The following TENM4 variants were observed in gnomAD, a reference collection of about 807,000 sequenced individuals.
TENM4 encodes the protein teneurin-4.
Under a neutral mutation model 243.3 loss-of-function variants are expected in TENM4, and 82 were observed. That is an observed-to-expected ratio of 0.34 (90% CI 0.28 to 0.40). TENM4 has a LOEUF of 0.40. Among genes scored for constraint, TENM4 ranks in the 10% least tolerant of loss-of-function variants. The pLI is 1.00. For synonymous variants in TENM4, 1,412 were observed against 1,456.3 expected (o/e 0.97, Z 0.69); for missense variants, 3,138 against 3,673.3 (o/e 0.85, Z 3.77).
intron 6 of TENM4, among the ~76,000 whole-genome samples, chr11:78,972,464 C>T (rs1027364593): frequency 1.3e-5 from 2 of 152,096 alleles, no homozygotes; most frequent in Non-Finnish European, 2.9e-5. Flanking sequence ...TTCTCGGGGA[C>T]TTTAAAAAAA....
intron 25 of TENM4, among the ~76,000 whole-genome samples, chr11:78,716,129 C>G (rs1859516121): frequency 6.6e-6 from 1 of 152,152 alleles, no homozygotes; most frequent in African/African-American, 2.4e-5. Flanking sequence ...ACCACAGATT[C>G]CTAAGTGGCA....
At chr11:79,158,110 C>T (rs1433297793) in intron 3 of TENM4, among the ~76,000 whole-genome samples, 2 of 152,250 alleles carry the variant, frequency 1.3e-5, no homozygotes, top group African/African-American at 4.8e-5. Flanking sequence ...CTGCTTGCCC[C>T]TGCATCCTTG....
At chr11:79,278,210 G>A (rs1354930160) in intron 2 of TENM4, among the ~76,000 whole-genome samples, 4 of 152,156 alleles carry the variant, frequency 2.6e-5, no homozygotes, top group African/African-American at 9.7e-5. Context: ...CAAGGCAGGG[G>A]GACTTAGGAG....
chr11:79,077,656 AATGAACC>A (rs1281221262), intron 4 of TENM4, among the ~76,000 whole-genome samples: 1 of 152,236 alleles, frequency 6.6e-6, no homozygotes, highest in Admixed American at 6.5e-5. Flanking sequence ...AGCATGGAAA[AATGAACC>A]TGGCACAGAC....
At chr11:79,209,437 C>G (rs17755323) in intron 3 of TENM4, among the ~76,000 whole-genome samples, 11,752 of 152,230 alleles carry the variant, frequency 0.077, 559 homozygotes, top group Admixed American at 0.11. Context: ...CTCCTGGGTT[C>G]CCAGCACAAT....
At chr11:79,263,126 T>C (rs547062275) in intron 2 of TENM4, among the ~76,000 whole-genome samples, 1 of 152,328 alleles carries the variant, frequency 6.6e-6, no homozygotes, top group South Asian at 2.1e-4. Flanking sequence ...AGGAACCCAA[T>C]GCATGGAGGC....
chr11:78,826,323 G>A (rs1228195755), intron 12 of TENM4, among the ~76,000 whole-genome samples: 3 of 152,042 alleles, frequency 2.0e-5, no homozygotes, highest in Non-Finnish European at 4.4e-5. Flanking sequence ...CTGACCTTAG[G>A]TGATCCACCC....
intron 17 of TENM4, among the ~76,000 whole-genome samples, chr11:78,773,456 TTCTC>T (rs1168556028): frequency 6.6e-6 from 1 of 152,178 alleles, no homozygotes; most frequent in Non-Finnish European, 1.5e-5. Context: ...CACCTTTACC[TTCTC>T]TCTATTTTGG....
chr11:78,907,077 C>T (rs1391140046), intron 6 of TENM4, among the ~76,000 whole-genome samples: 1 of 152,068 alleles, frequency 6.6e-6, no homozygotes, highest in African/African-American at 2.4e-5. Flanking sequence ...CCTTCCCTCA[C>T]CCTTTCTAGC....
At chr11:78,826,610 A>G (rs1488245449) in intron 12 of TENM4, among the ~76,000 whole-genome samples, 1 of 152,062 alleles carries the variant, frequency 6.6e-6, no homozygotes, top group African/African-American at 2.4e-5. Context: ...TCCAGATGAT[A>G]AGGGGCAGTA....
intron 4 of TENM4, among the ~76,000 whole-genome samples, chr11:79,100,224 A>G (rs1861192439): frequency 6.6e-6 from 1 of 152,140 alleles, no homozygotes; most frequent in Non-Finnish European, 1.5e-5. Context: ...GTTATTTCGC[A>G]CTTTTCTCAA....
At chr11:79,097,824 G>A (rs1331833958) in intron 4 of TENM4, 1 of 146,048 alleles carries the variant, frequency 6.8e-6, no homozygotes, top group African/African-American at 2.6e-5. Flanking sequence ...TTAACATTTT[G>A]CTTTTTTTTT....
chr11:79,282,134 A>G (rs75472353), intron 2 of TENM4, among the ~76,000 whole-genome samples: 1,612 of 152,354 alleles, frequency 0.011, 42 homozygotes, highest in African/African-American at 0.037. Context: ...TCAAACCCGC[A>G]AGGAAACAAA....
intron 6 of TENM4, among the ~76,000 whole-genome samples, chr11:78,949,205 T>A (rs567618682): frequency 4.6e-5 from 7 of 152,326 alleles, no homozygotes; most frequent in Admixed American, 1.3e-4. Context: ...AGTGGTCACA[T>A]GGATGCCAAA....
chr11:78,726,781 G>A (rs1409345653), intron 22 of TENM4, among the ~76,000 whole-genome samples: 1 of 152,154 alleles, frequency 6.6e-6, no homozygotes, highest in East Asian at 1.9e-4. Context: ...TCTGTCATGA[G>A]TCAAAGCTCC....
intron 2 of TENM4, among the ~76,000 whole-genome samples, chr11:79,235,265 A>G (rs1195812724): frequency 6.6e-6 from 1 of 152,000 alleles, no homozygotes; most frequent in African/African-American, 2.4e-5. Flanking sequence ...GTGAGCCAAG[A>G]TATCGCGCCA....
At position 78,771,110 on chromosome 11, in the gene TENM4, G is replaced by A. The variant is rs116862565; in HGVS notation, c.2421C>T (p.Asn807=). 22,565 of 1,571,940 alleles carry A rather than the reference G, an allele frequency of 0.014. 218 individuals carry two copies. Among genetic ancestry groups the A allele is most frequent in the Non-Finnish European group, 0.016 (18,613 of 1,158,438 alleles). ...CATTCAGGTCTAAGGTACATCTGCC[G>A]TTGCCATTGCACAACCCAGGGCAAC... ...KEGCPGLCNG[N]GRCTLDLNGW... The change falls in exon 18 of 34, where the codon AAC becomes AAT. Residue 807 remains asparagine (N), a synonymous_variant. Coordinates refer to ENST00000278550, the MANE Select transcript of TENM4 (RefSeq NM_001098816.3).
At chr11:79,431,515 A>G (rs2135611784) in intron 1 of TENM4, among the ~76,000 whole-genome samples, 1 of 152,330 alleles carries the variant, frequency 6.6e-6, no homozygotes, top group African/African-American at 2.4e-5. Context: ...GTCTACTGAC[A>G]GTTACTGCCA....
intron 6 of TENM4, among the ~76,000 whole-genome samples, chr11:78,940,338 G>C (rs1275392752): frequency 6.6e-6 from 1 of 152,166 alleles, no homozygotes; most frequent in Non-Finnish European, 1.5e-5. Flanking sequence ...GTCATTTTCA[G>C]TTTTTCTGTT....
Sources: allele counts gnomAD v4.1 joint callset (sites outside exome capture counted in the v4.1 genomes callset), GRCh38; gene constraint gnomAD v4.1.1; transcripts MANE v1.5; gene names NCBI Gene and HGNC (gene_info 2026-07-23, HGNC 2026-07-21).